The following EPHA4 variants were observed in gnomAD, a reference collection of about 807,000 sequenced individuals.
EPHA4 encodes EPH receptor A4.
A neutral mutation model predicts 108.3 loss-of-function variants in EPHA4; 19 were observed. The ratio of observed to expected loss-of-function variants is 0.18; its 90% confidence interval spans 0.12 to 0.26. The LOEUF (loss-of-function observed/expected upper bound fraction) is 0.26, where lower values mean the gene tolerates loss of function less well. Ranked by LOEUF, EPHA4 falls within the 10% of genes least tolerant of loss-of-function variation. The pLI, the probability that EPHA4 is intolerant of heterozygous loss-of-function variation, is 1.00. For missense variants in EPHA4, 917 were observed against 1,254.0 expected (o/e 0.73, Z 4.06); for synonymous variants, 449 against 455.5 (o/e 0.99, Z 0.18).
chr2:221,478,220 C>T lies in EPHA4; in HGVS notation c.1318+4132G>A, dbSNP rs199998837. On this transcript the variant is annotated intron_variant, in intron 5 of 17. Coordinates refer to ENST00000281821, the MANE Select transcript of EPHA4 (RefSeq NM_004438.5). ...CTGGCTGCCATCACAGCCTTTTTAA[C>T]AAAAAAAAAATATTCACAGGTCTGT... Among the ~76,000 whole-genome samples the T allele has an allele frequency of 1.4e-3, 213 of 149,536 alleles. 1 individual carries two copies. The highest frequency in any genetic ancestry group is 4.6e-3 in the African/African-American group (189 of 40,876).
At chr2:221,448,684 T>C (rs1268438959) in intron 8 of EPHA4, among the ~76,000 whole-genome samples, 4 of 152,230 alleles carry the variant, frequency 2.6e-5, no homozygotes, top group Non-Finnish European at 4.4e-5. Flanking sequence ...CCTGAAACAT[T>C]GTGTCTTATC....
At chr2:221,508,920 T>C (rs930631537) in intron 3 of EPHA4, among the ~76,000 whole-genome samples, 3 of 152,240 alleles carry the variant, frequency 2.0e-5, no homozygotes, top group Non-Finnish European at 4.4e-5. Context: ...TCACAAGTAT[T>C]AAATAACACA....
intron 1 of EPHA4, among the ~76,000 whole-genome samples, chr2:221,569,147 T>C (rs1167090200): frequency 6.6e-6 from 1 of 152,188 alleles, no homozygotes; most frequent in East Asian, 1.9e-4. Context: ...CTGTCTGGTA[T>C]CTACTAGAAT....
intron 8 of EPHA4, among the ~76,000 whole-genome samples, chr2:221,450,714 T>C (rs1690755482): frequency 6.6e-6 from 1 of 152,130 alleles, no homozygotes; most frequent in Non-Finnish European, 1.5e-5. Flanking sequence ...TTCTTTTTCC[T>C]TATCCAGGTA....
intron 4 of EPHA4, among the ~76,000 whole-genome samples, chr2:221,489,974 T>A (rs1371892738): frequency 6.6e-6 from 1 of 151,982 alleles, no homozygotes; most frequent in Admixed American, 6.6e-5. Context: ...GGTGAAACCC[T>A]GTCCCTGCAA....
chr2:221,544,305 C>A (rs769558962), intron 3 of EPHA4, among the ~76,000 whole-genome samples: 1 of 152,124 alleles, frequency 6.6e-6, no homozygotes, highest in Non-Finnish European at 1.5e-5. Flanking sequence ...ATATTCACAA[C>A]CTTTCATTTT....
At chr2:221,545,265 C>T (rs138365979) in intron 3 of EPHA4, among the ~76,000 whole-genome samples, 3,528 of 151,366 alleles carry the variant, frequency 0.023, 111 homozygotes, top group African/African-American at 0.073. Context: ...GTCGGGAGAT[C>T]GAGACCTTCC....
chr2:221,447,889 C>T (rs935072748), intron 8 of EPHA4, among the ~76,000 whole-genome samples: 2 of 150,780 alleles, frequency 1.3e-5, no homozygotes, highest in Admixed American at 6.6e-5. Flanking sequence ...TTGCTCAGGC[C>T]GGAGTGCAGT....
intron 13 of EPHA4, among the ~76,000 whole-genome samples, chr2:221,435,790 C>T (rs1038029992): frequency 2.6e-5 from 4 of 152,080 alleles, no homozygotes; most frequent in African/African-American, 9.7e-5. Flanking sequence ...ACTGGAAAAC[C>T]TTGCATGGTA....
rs913363010 is a variant in EPHA4 at position 221,418,060 on chromosome 2, T to G, written c.*3312A>C. The G allele has an allele frequency of 2.6e-5, 4 of 152,680 alleles. No homozygotes were observed. Among genetic ancestry groups the G allele is most frequent in the Admixed American group, 6.5e-5 (1 of 15,286 alleles). The allele number at this position is 152,680 out of a possible 1,614,324, so 9.5% of individuals were successfully genotyped here. A position where few individuals can be genotyped will look rare whatever the true frequency, so the allele number is the denominator to read the frequency against. ...TTGTATACGGCAACTACTTTATTAT[T>G]TTCAAATGCAAACTCTTTGCATTTA... On this transcript the variant is annotated 3_prime_UTR_variant, in exon 18 of 18. Transcript: ENST00000281821.
At chr2:221,523,082 T>C (rs1693220121) in intron 3 of EPHA4, among the ~76,000 whole-genome samples, 1 of 150,890 alleles carries the variant, frequency 6.6e-6, no homozygotes, top group Non-Finnish European at 1.5e-5. Flanking sequence ...TTTTAAACTG[T>C]CTGTCCTTAT....
chr2:221,568,656 C>T lies in EPHA4; in HGVS notation c.159+62G>A. ...CAACAAGAATCAAGCCATTAGGACT[C>T]TCAGAAAGTTGCTAATCACTCCTTT... On this transcript the variant is annotated intron_variant, in intron 2 of 17. Coordinates refer to ENST00000281821, the MANE Select transcript of EPHA4 (RefSeq NM_004438.5). 3 of 1,390,008 alleles carry T rather than the reference C, an allele frequency of 2.2e-6. No individual in the cohort carries two copies. In the South Asian group the frequency reaches 3.8e-5, roughly 17 times the overall value. 86.1% of individuals were successfully genotyped at this position (1,390,008 alleles called of 1,614,324 possible).
intron 3 of EPHA4, among the ~76,000 whole-genome samples, chr2:221,514,828 A>G (rs1692942128): frequency 6.6e-6 from 1 of 152,196 alleles, no homozygotes; most frequent in Non-Finnish European, 1.5e-5. Context: ...GTCATGAGAG[A>G]AGAAAAAGTG....
In EPHA4 at chr2:221,482,668, G is replaced by A. The variant is rs371465837; in HGVS notation, c.1002C>T (p.Asn334=). Residue 334 remains asparagine, a synonymous_variant, in exon 5 of 18, where the codon AAC becomes AAT. Transcript: ENST00000281821. ...ATGTCTCGTTGACATTTGAAATCAA[G>A]TTCAGGGGAGCAGATGGTGGACCTG... is the stretch of plus-strand genomic sequence containing the variant. ...PCTRPPSAPL[N]LISNVNETSV... The A allele has an allele frequency of 3.4e-5, 55 of 1,598,822 alleles. No individual in the cohort carries two copies. Among genetic ancestry groups the A allele is most frequent in the Non-Finnish European group, 4.7e-5 (55 of 1,167,624 alleles).
intron 3 of EPHA4, among the ~76,000 whole-genome samples, chr2:221,507,601 C>A (rs1203328968): frequency 6.6e-6 from 1 of 151,846 alleles, no homozygotes; most frequent in African/African-American, 2.4e-5. Context: ...CATGAAACAA[C>A]TACAATAGCA....
chr2:221,567,609 A>G (rs1694713485), intron 2 of EPHA4, among the ~76,000 whole-genome samples: 1 of 152,228 alleles, frequency 6.6e-6, no homozygotes, highest in South Asian at 2.1e-4. Context: ...TTTCAGGTGG[A>G]TTACAAAATC....
intron 3 of EPHA4, among the ~76,000 whole-genome samples, chr2:221,549,724 C>T (rs1299936871): frequency 1.3e-5 from 2 of 152,206 alleles, no homozygotes; most frequent in African/African-American, 2.4e-5. Flanking sequence ...ACATGGCTCA[C>T]GCCTGTAATC....
chr2:221,500,168 C>T (rs1336159767), intron 4 of EPHA4, among the ~76,000 whole-genome samples: 1 of 152,200 alleles, frequency 6.6e-6, no homozygotes, highest in Non-Finnish European at 1.5e-5. Flanking sequence ...TAACTCCATT[C>T]TCCAGGTGAG....
chr2:221,558,736 G>A (rs1291213246), intron 3 of EPHA4, among the ~76,000 whole-genome samples: 2 of 151,898 alleles, frequency 1.3e-5, no homozygotes, highest in Non-Finnish European at 2.9e-5. Context: ...CACAAAGGCA[G>A]CCTGGTCACA....
Sources: allele counts gnomAD v4.1 joint callset (sites outside exome capture counted in the v4.1 genomes callset), GRCh38; gene constraint gnomAD v4.1.1; transcripts MANE v1.5; gene names NCBI Gene and HGNC (gene_info 2026-07-23, HGNC 2026-07-21).